The following OR6P1 variants were observed in gnomAD, a reference collection of about 807,000 sequenced individuals.
OR6P1 encodes olfactory receptor 6P1.
Under a neutral mutation model 6.6 loss-of-function variants are expected in OR6P1, and 5 were observed. The observed-to-expected ratio is 0.76, with a 90% CI of 0.40 to 1.60. The LOEUF is 1.60. OR6P1 is among the 40% of genes most tolerant of loss of function. The pLI, the probability that OR6P1 is intolerant of heterozygous loss-of-function variation, is 0.02. For synonymous variants in OR6P1, 177 were observed against 149.6 expected (o/e 1.18, Z -1.33); for missense variants, 451 against 383.0 (o/e 1.18, Z -1.48).
In OR6P1 at chr1:158,561,854, C is replaced by T. The variant is rs1647961237; in HGVS notation, c.*797G>A. The T allele has an allele frequency of 6.6e-6, 1 of 152,114 alleles. No homozygotes were observed. Among genetic ancestry groups the T allele is most frequent in the African/African-American group, 2.4e-5 (1 of 41,418 alleles). The allele number at this position is 152,114 out of a possible 1,614,324, so 9.4% of individuals were successfully genotyped here. On this transcript the variant is annotated 3_prime_UTR_variant, in exon 3 of 3. Coordinates refer to ENST00000641540, the MANE Select transcript of OR6P1 (RefSeq NM_001160325.2). ...TTAAAATATTTCACTATCGGTATAG[C>T]CCTGGCACTAATTACTTAAAACAGG... is the stretch of plus-strand genomic sequence containing the variant.
Position 158,562,709 on chromosome 1 carries a change from T to C in OR6P1, c.896A>G (p.Glu299Gly), listed in dbSNP as rs752357398. Residue 299 changes from glutamate (E) to glycine (G), a missense_variant, in exon 3 of 3, where the codon GAG (glutamate) becomes GGG (glycine). By Grantham distance (98) the Glu-to-Gly change is moderately conservative (BLOSUM62 -2). Transcript: ENST00000641540. Reference sequence around the variant, plus strand: ...GCCCATCACTGTCTTCCTGAAGGCCTCCTTCACCTCCTTGTTCCTCAGGCA... The same window carrying C: ...GCCCATCACTGTCTTCCTGAAGGCCCCCTTCACCTCCTTGTTCCTCAGGCA... ...IYCLRNKEVK[E>G]AFRKTVMGRC... The C allele has an allele frequency of 5.1e-6, 8 of 1,561,056 alleles. 1 individual carries two copies. Among genetic ancestry groups the C allele is most frequent in the Non-Finnish European group, 4.3e-6 (5 of 1,151,802 alleles).
chr1:158,561,988 C>CA lies in OR6P1; in HGVS notation c.*662dup, dbSNP rs1169154103. On this transcript the variant is annotated 3_prime_UTR_variant, in exon 3 of 3. Transcript: ENST00000641540. ...ACCAGCTTTACATGCCCCTGAGATT[C>CA]AAAGAAGGGAGATGGAGAGGATAGT... The CA allele has an allele frequency of 3.3e-5, 5 of 152,260 alleles. No individual in the cohort carries two copies. The highest frequency in any genetic ancestry group is 1.2e-4 in the African/African-American group (5 of 41,426). The allele number at this position is 152,260 out of a possible 1,614,324, so 9.4% of individuals were successfully genotyped here.
rs146858686 is a variant in OR6P1, at chr1:158,569,057, C to T, written c.-118+1385G>A. Reference sequence around the variant, plus strand: ...GAATGTCATTTCAGGGGTGGAATGTCGAACCTGTTTTATTATTTGTGAAAT... The same window carrying T: ...GAATGTCATTTCAGGGGTGGAATGTTGAACCTGTTTTATTATTTGTGAAAT... On this transcript the variant is annotated intron_variant, in intron 1 of 2. Transcript: ENST00000641540. 4.2e-3 allele frequency among the ~76,000 whole-genome samples: 634 copies of T among 152,226 alleles called. 2 individuals are homozygous for T. Among genetic ancestry groups the T allele is most frequent in the Non-Finnish European group, 6.5e-3 (445 of 68,002 alleles).
Position 158,562,352 on chromosome 1 carries a change from A to T in OR6P1, c.*299T>A. 3.2e-6 allele frequency: 1 copy of T among 315,996 alleles called. No homozygotes were observed. The highest frequency in any genetic ancestry group is 3.8e-5 in the South Asian group (1 of 26,516). 19.6% of individuals were successfully genotyped at this position (315,996 alleles called of 1,614,324 possible). Reference sequence around the variant, plus strand: ...GAATTCCCAGGAAGTTTTGAATATTATTCACGGCAGGGTTACATTCCACAC... The same window carrying T: ...GAATTCCCAGGAAGTTTTGAATATTTTTCACGGCAGGGTTACATTCCACAC... On this transcript the variant is annotated 3_prime_UTR_variant, in exon 3 of 3. Coordinates refer to ENST00000641540, the MANE Select transcript of OR6P1 (RefSeq NM_001160325.2).
At chr1:158,568,472 T>C (rs1648153207) in intron 1 of OR6P1, among the ~76,000 whole-genome samples, 1 of 152,188 alleles carries the variant, frequency 6.6e-6, no homozygotes, top group African/African-American at 2.4e-5. Context: ...CCCTTCTCAT[T>C]TGGCAACTTA....
At chr1:158,567,612 G>C (rs542773572) in intron 1 of OR6P1, among the ~76,000 whole-genome samples, 114 of 144,952 alleles carry the variant, frequency 7.9e-4, no homozygotes, top group Non-Finnish European at 1.6e-3. Flanking sequence ...CATGGACACA[G>C]GAAGGGGAAC....
rs1326255089 is a variant in OR6P1 at position 158,562,537 on chromosome 1, T to C, written c.*114A>G. ...TTGTATCAGAAGGTCCCAGACAATA[T>C]TTAGAGAAAATGTTGGCAAATTATA... On this transcript the variant is annotated 3_prime_UTR_variant, in exon 3 of 3. Transcript: ENST00000641540. 1.5e-6 allele frequency: 1 copy of C among 659,308 alleles called. No homozygotes were observed. Among genetic ancestry groups the C allele is most frequent in the Non-Finnish European group, 2.7e-6 (1 of 377,074 alleles). The allele number at this position is 659,308 out of a possible 1,614,324, so 40.8% of individuals were successfully genotyped here. A position where few individuals can be genotyped will look rare whatever the true frequency, so the allele number is the denominator to read the frequency against.
chr1:158,564,234 T>C (rs1250441852), intron 2 of OR6P1, among the ~76,000 whole-genome samples: 2 of 152,252 alleles, frequency 1.3e-5, no homozygotes, highest in Non-Finnish European at 2.9e-5. Context: ...TATTTTTGAA[T>C]ACATTTGTAG....
rs1421578492 is a variant in OR6P1, at chr1:158,562,475, A to G, written c.*176T>C. On this transcript the variant is annotated 3_prime_UTR_variant, in exon 3 of 3. Coordinates refer to ENST00000641540, the MANE Select transcript of OR6P1 (RefSeq NM_001160325.2). Reference sequence around the variant, plus strand: ...GTAGCTAGTCCAACCTTAGTTTGAAAACCCCTGTAAAAAATAAATGATTCA... The same window carrying G: ...GTAGCTAGTCCAACCTTAGTTTGAAGACCCCTGTAAAAAATAAATGATTCA... The G allele has an allele frequency of 1.0e-5, 6 of 578,774 alleles. No individual in the cohort carries two copies. Among genetic ancestry groups the G allele is most frequent in the Non-Finnish European group, 1.8e-5 (6 of 328,142 alleles). The allele number at this position is 578,774 out of a possible 1,614,324, so 35.9% of individuals were successfully genotyped here. A position where few individuals can be genotyped will look rare whatever the true frequency, so the allele number is the denominator to read the frequency against.
At chr1:158,565,767 G>T (rs981513534) in intron 2 of OR6P1, among the ~76,000 whole-genome samples, 2 of 151,992 alleles carry the variant, frequency 1.3e-5, no homozygotes, top group South Asian at 4.1e-4. Context: ...TTTTCATTTT[G>T]GAGGTGTAAA....
intron 1 of OR6P1, among the ~76,000 whole-genome samples, chr1:158,567,986 C>T (rs1369278910): frequency 6.6e-6 from 1 of 152,052 alleles, no homozygotes; most frequent in East Asian, 1.9e-4. Flanking sequence ...CTCCCTCCTG[C>T]CCACCCCTCA....
rs1023366931 is a variant in OR6P1, at chr1:158,561,725, A to C, written c.*926T>G. ...ATGATTCAGGCTATGAACCTGAGAC[A>C]TCCCAATTGCCATAGAGATATCTGC... On this transcript the variant is annotated 3_prime_UTR_variant, in exon 3 of 3. Transcript: ENST00000641540. 1 of 152,218 alleles carries C rather than the reference A, an allele frequency of 6.6e-6. No individual in the cohort carries two copies. Among genetic ancestry groups the C allele is most frequent in the African/African-American group, 2.4e-5 (1 of 41,458 alleles). 9.4% of individuals were successfully genotyped at this position (152,218 alleles called of 1,614,324 possible). A position where few individuals can be genotyped will look rare whatever the true frequency, so the allele number is the denominator to read the frequency against.
rs1648211546 is a variant in OR6P1 at position 158,570,559 on chromosome 1, T to G, written c.-235A>C. 1 of 152,184 alleles carries G rather than the reference T, an allele frequency of 6.6e-6. No individual in the cohort carries two copies. The highest frequency in any genetic ancestry group is 6.5e-5 in the Admixed American group (1 of 15,272). The allele number at this position is 152,184 out of a possible 1,614,324, so 9.4% of individuals were successfully genotyped here. On this transcript the variant is annotated 5_prime_UTR_variant, in exon 1 of 3. Transcript: ENST00000641540. ...GTCAATAGGCTGATTAACTTTTGCC[T>G]CTGGGCAGGTATGGTTTGCCCTAGA...
chr1:158,566,212 A>G (rs889336925), intron 2 of OR6P1, among the ~76,000 whole-genome samples: 3 of 152,340 alleles, frequency 2.0e-5, no homozygotes, highest in African/African-American at 7.2e-5. Flanking sequence ...GAGGAGTTGA[A>G]GATGAGAGAA....
intron 1 of OR6P1, among the ~76,000 whole-genome samples, chr1:158,569,180 A>G (rs944345958): frequency 6.6e-5 from 10 of 152,212 alleles, no homozygotes; most frequent in African/African-American, 2.4e-4. Context: ...TGCCCATAAT[A>G]TGAAACAACT....
At chr1:158,569,757 C>G (rs1648193183) in intron 1 of OR6P1, among the ~76,000 whole-genome samples, 1 of 152,070 alleles carries the variant, frequency 6.6e-6, no homozygotes, top group South Asian at 2.1e-4. Flanking sequence ...TGATTTTTTT[C>G]CTCAAGATCA....
In OR6P1 at chr1:158,562,807, G is replaced by A. The variant is rs142215019; in HGVS notation, c.798C>T (p.Tyr266=). Residue 266 remains tyrosine (Y), a synonymous_variant, in exon 3 of 3, where the codon TAC becomes TAT. Coordinates refer to ENST00000641540, the MANE Select transcript of OR6P1 (RefSeq NM_001160325.2). ...LFTYARPRAM[Y]TFNHNKIISV... Reference sequence around the variant, plus strand: ...AGATAATCTTGTTGTGGTTGAAGGTGTACATGGCCCGGGGCCGTGCATAGG... The same window carrying A: ...AGATAATCTTGTTGTGGTTGAAGGTATACATGGCCCGGGGCCGTGCATAGG... 1 of 1,552,252 alleles carries A rather than the reference G, an allele frequency of 6.4e-7. No individual in the cohort carries two copies. The highest frequency in any genetic ancestry group is 8.7e-7 in the Non-Finnish European group (1 of 1,147,182).
At position 158,561,505 on chromosome 1, in the gene OR6P1, T is replaced by C. The variant is rs1647951958; in HGVS notation, c.*1146A>G. On this transcript the variant is annotated 3_prime_UTR_variant, in exon 3 of 3. Transcript: ENST00000641540. ...GCACTGACCAACAATCCGTGTTTAC[T>C]GGAATTTGTTCCAATATGCATATTT... 6.6e-6 allele frequency: 1 copy of C among 152,234 alleles called. No individual in the cohort carries two copies. Among genetic ancestry groups the C allele is most frequent in the Non-Finnish European group, 1.5e-5 (1 of 68,030 alleles). The allele number at this position is 152,234 out of a possible 1,614,324, so 9.4% of individuals were successfully genotyped here. A position where few individuals can be genotyped will look rare whatever the true frequency, so the allele number is the denominator to read the frequency against.
At position 158,561,147 on chromosome 1, in the gene OR6P1, C is replaced by T. The variant is rs1339588307; in HGVS notation, c.*1504G>A. The T allele has an allele frequency of 6.6e-6, 1 of 152,154 alleles. No homozygotes were observed. Among genetic ancestry groups the T allele is most frequent in the Non-Finnish European group, 1.5e-5 (1 of 68,008 alleles). The allele number at this position is 152,154 out of a possible 1,614,324, so 9.4% of individuals were successfully genotyped here. ...AACTAAGAGCAGAGATGTAAAGTTT[C>T]TTGCCTATGATCACATAACTTGTTA... On this transcript the variant is annotated 3_prime_UTR_variant, in exon 3 of 3. Transcript: ENST00000641540.
Sources: allele counts gnomAD v4.1 joint callset (sites outside exome capture counted in the v4.1 genomes callset), GRCh38; gene constraint gnomAD v4.1.1; transcripts MANE v1.5; gene names NCBI Gene and HGNC (gene_info 2026-07-23, HGNC 2026-07-21).